MICU3: variants seen among roughly 807,000 people sequenced by gnomAD.
The protein encoded by MICU3 is calcium uptake protein 3, mitochondrial.
In MICU3, 62 loss-of-function variants were observed where a neutral mutation model predicts 66.5. The observed-to-expected ratio is 0.93, with a 90% CI of 0.76 to 1.15. The LOEUF is 1.15. Among genes scored for constraint, MICU3 ranks in the 50% most tolerant of loss-of-function variants. The pLI is 0.00. For synonymous variants in MICU3, 308 were observed against 240.7 expected (o/e 1.28, Z -2.59); for missense variants, 779 against 664.4 (o/e 1.17, Z -1.90).
chr8:17,098,591 C>A, intron 9 of MICU3, 38 bp downstream of exon 9: 1 of 1,307,700 alleles, frequency 7.6e-7, no homozygotes, highest in Non-Finnish European at 1.1e-6. Flanking sequence ...GTACTATTTG[C>A]CATCTTGTTA....
intron 1 of MICU3, among the ~76,000 whole-genome samples, chr8:17,052,179 TATA>T (rs1364429786): frequency 2.0e-5 from 3 of 152,196 alleles, no homozygotes; most frequent in Admixed American, 6.5e-5. Context: ...TGTAAGCTAC[TATA>T]ATAATACAAG....
intron 1 of MICU3, among the ~76,000 whole-genome samples, chr8:17,044,231 T>C (rs1263833351): frequency 6.6e-6 from 1 of 152,200 alleles, no homozygotes; most frequent in African/African-American, 2.4e-5. Flanking sequence ...AAGTTCATTA[T>C]CTGAATGTCA....
At chr8:17,099,500 T>G (rs1196430596) in intron 9 of MICU3, among the ~76,000 whole-genome samples, 2 of 151,828 alleles carry the variant, frequency 1.3e-5, no homozygotes, top group East Asian at 3.9e-4. Flanking sequence ...CTTGAAAATG[T>G]TAATTTTGTC....
At chr8:17,087,777 G>T (rs1483444324) in intron 7 of MICU3, among the ~76,000 whole-genome samples, 1 of 151,962 alleles carries the variant, frequency 6.6e-6, no homozygotes, top group Non-Finnish European at 1.5e-5. Flanking sequence ...TTATTAAATG[G>T]CAAAGCCAAA....
In MICU3 at chr8:17,105,451, A is replaced by G; in HGVS notation, c.1124A>G (p.Glu375Gly). The G allele has an allele frequency of 6.4e-7, 1 of 1,569,246 alleles. No individual in the cohort carries two copies. The highest frequency in any genetic ancestry group is 1.2e-5 in the South Asian group (1 of 85,660). ...CTCCAAACAGAAGTTCTAGAAATAG[A>G]ATTCCTTTCCTACTCAAATGGAATG... ...DNLQTEVLEI[E>G]FLSYSNGMNT... The change falls in exon 11 of 15, where the codon GAA (glutamate) becomes GGA (glycine). Residue 375 changes from glutamate (E) to glycine (G), a missense_variant. Physicochemically the swap from Glu to Gly is moderately conservative, Grantham distance 98 (BLOSUM62 -2). Transcript: ENST00000318063.
At chr8:17,046,781 A>T (rs1012176380) in intron 1 of MICU3, among the ~76,000 whole-genome samples, 2 of 152,148 alleles carry the variant, frequency 1.3e-5, no homozygotes, top group African/African-American at 4.8e-5. Context: ...TAAGCTGATG[A>T]CATGAAACCT....
intron 5 of MICU3, among the ~76,000 whole-genome samples, chr8:17,082,825 A>C (rs921841509): frequency 6.6e-6 from 1 of 152,190 alleles, no homozygotes; most frequent in Non-Finnish European, 1.5e-5. Flanking sequence ...CTTAGCGAGG[A>C]ATGACGTTAA....
intron 9 of MICU3, among the ~76,000 whole-genome samples, chr8:17,101,850 A>G (rs775881480): frequency 6.6e-6 from 1 of 151,892 alleles, no homozygotes; most frequent in Non-Finnish European, 1.5e-5. Flanking sequence ...TTCTGTGTCT[A>G]GTCCCTTTTC....
chr8:17,057,484 TA>T (rs1266158165), intron 1 of MICU3, among the ~76,000 whole-genome samples: 5 of 152,220 alleles, frequency 3.3e-5, no homozygotes, highest in Non-Finnish European at 5.9e-5. Flanking sequence ...TAATTATATT[TA>T]ATCTCTAAGA....
intron 12 of MICU3, 85 bp downstream of exon 12, chr8:17,114,286 A>G: frequency 1.3e-6 from 1 of 775,970 alleles, no homozygotes; most frequent in Non-Finnish European, 2.1e-6. Flanking sequence ...ATTAAATATG[A>G]CATATCACCC....
intron 1 of MICU3, among the ~76,000 whole-genome samples, chr8:17,044,603 G>A (rs1281058905): frequency 6.6e-6 from 1 of 152,190 alleles, no homozygotes; most frequent in African/African-American, 2.4e-5. Flanking sequence ...TAGTCCAAAA[G>A]CAATGTGGAT....
intron 3 of MICU3, among the ~76,000 whole-genome samples, chr8:17,077,333 A>G (rs912965285): frequency 6.6e-6 from 1 of 152,126 alleles, no homozygotes; most frequent in Non-Finnish European, 1.5e-5. Flanking sequence ...TACTTCCTCT[A>G]CACAAAGTTC....
At chr8:17,127,805 A>T in the MICU3 span, among the ~76,000 whole-genome samples, 2 of 152,224 alleles carry the variant, frequency 1.3e-5, no homozygotes, top group African/African-American at 4.8e-5. Context: ...CAATAGCTAA[A>T]CCCCAAATAC....
chr8:17,030,536 G>A (rs1811843693), intron 1 of MICU3, among the ~76,000 whole-genome samples: 1 of 150,898 alleles, frequency 6.6e-6, no homozygotes. Context: ...GAGTATTATG[G>A]GCTTCTTATT....
rs766419108 is a variant in MICU3 at position 17,027,328 on chromosome 8, C to A, written c.49C>A (p.Pro17Thr). The A allele has an allele frequency of 6.5e-7, 1 of 1,531,400 alleles. No homozygotes were observed. 94.9% of individuals were successfully genotyped at this position (1,531,400 alleles called of 1,614,324 possible). The change falls in exon 1 of 15, where the codon CCA becomes ACA. Residue 17 changes from proline to threonine, a missense_variant. Transcript: ENST00000318063. The stretch of plus-strand genomic sequence containing the variant: ...GTGGCCGCCACCCCGGGTGTCTCCT[C>A]CACTCTGCGCTCACCAGCCCCTCCT... ...LLWPPPRVSP[P>T]LCAHQPLLGP...
chr8:17,105,669 G>T, intron 11 of MICU3, 85 bp downstream of exon 11: 1 of 704,264 alleles, frequency 1.4e-6, no homozygotes, highest in Non-Finnish European at 2.2e-6. Context: ...TTAGTTCTTT[G>T]GCTTCTCTGT....
At chr8:17,050,001 C>T (rs1320354175) in intron 1 of MICU3, among the ~76,000 whole-genome samples, 2 of 152,128 alleles carry the variant, frequency 1.3e-5, no homozygotes, top group Non-Finnish European at 2.9e-5. Context: ...TCCATAGTCA[C>T]AAACTATTCC....
chr8:17,105,247 C>A, intron 10 of MICU3, among the ~76,000 whole-genome samples, 166 bp from the exon 11 acceptor site: 1 of 151,930 alleles, frequency 6.6e-6, no homozygotes, highest in East Asian at 1.9e-4. Context: ...GTAAAGCGAT[C>A]GTGTGTTCTT....
chr8:17,048,139 G>T (rs529022970), intron 1 of MICU3, among the ~76,000 whole-genome samples: 1 of 152,182 alleles, frequency 6.6e-6, no homozygotes, highest in African/African-American at 2.4e-5. Flanking sequence ...TATATGTTTC[G>T]ATGTTCGAAA....
Sources: allele counts gnomAD v4.1 joint callset (sites outside exome capture counted in the v4.1 genomes callset), GRCh38; gene constraint gnomAD v4.1.1; transcripts MANE v1.5; gene names NCBI Gene and HGNC (gene_info 2026-07-23, HGNC 2026-07-21).